The following CDH18 variants were observed in gnomAD, a reference collection of about 807,000 sequenced individuals.
The protein encoded by CDH18 is cadherin 18, also known as cadherin-18.
Under a neutral mutation model 67.9 loss-of-function variants are expected in CDH18, and 31 were observed. That is an observed-to-expected ratio of 0.46 (90% CI 0.34 to 0.62). The LOEUF (loss-of-function observed/expected upper bound fraction) is 0.62, where lower values mean the gene tolerates loss of function less well. Among genes scored for constraint, CDH18 ranks in the 20% least tolerant of loss-of-function variants. The pLI, the probability that CDH18 is intolerant of heterozygous loss-of-function variation, is 0.01. For missense variants in CDH18, 890 were observed against 975.5 expected (o/e 0.91, Z 1.17); for synonymous variants, 362 against 347.2 (o/e 1.04, Z -0.48).
At chr5:19,750,958 G>A (rs1246039253) in intron 3 of CDH18, among the ~76,000 whole-genome samples, 2 of 151,976 alleles carry the variant, frequency 1.3e-5, no homozygotes, top group Non-Finnish European at 2.9e-5. Flanking sequence ...ACATAACAAA[G>A]TAGGCTAAAT....
intron 1 of CDH18, among the ~76,000 whole-genome samples, chr5:20,475,855 G>GAGGC (rs1313364157): frequency 6.6e-6 from 1 of 152,144 alleles, no homozygotes; most frequent in Non-Finnish European, 1.5e-5. Flanking sequence ...CAGAATATTA[G>GAGGC]AGGCTTGCAT....
intron 5 of CDH18, among the ~76,000 whole-genome samples, chr5:19,638,784 A>C (rs541492991): frequency 2.6e-5 from 4 of 152,088 alleles, no homozygotes; most frequent in Admixed American, 2.0e-4. Flanking sequence ...AAAGGATAGG[A>C]TAAGGAGTTC....
chr5:19,970,170 G>T (rs1393510756), intron 2 of CDH18, among the ~76,000 whole-genome samples: 1 of 151,462 alleles, frequency 6.6e-6, no homozygotes. Flanking sequence ...AATAAAAAAG[G>T]CTCAGAATGA....
chr5:20,142,618 TTAAAA>T (rs1750332121), intron 2 of CDH18, among the ~76,000 whole-genome samples: 1 of 150,616 alleles, frequency 6.6e-6, no homozygotes, highest in Non-Finnish European at 1.5e-5. Flanking sequence ...GTTAATTCAG[TTAAAA>T]TAAGGTAATT....
chr5:20,571,249 T>A (rs184134807), intron 1 of CDH18, among the ~76,000 whole-genome samples: 221 of 152,290 alleles, frequency 1.5e-3, no homozygotes, highest in African/African-American at 4.8e-3. Context: ...CTCTTGATTC[T>A]TGGCCAAATT....
In CDH18 at chr5:19,613,889, A is replaced by T. The variant is rs143741033; in HGVS notation, c.644-1288T>A. On this transcript the variant is annotated intron_variant, in intron 5 of 12. Coordinates refer to ENST00000382275, the MANE Select transcript of CDH18 (RefSeq NM_004934.5). Reference sequence around the variant, plus strand: ...CTATATATGCATATAATTATAAAATATAAACATATTTGATCCTTCAAACAT... The same window carrying T: ...CTATATATGCATATAATTATAAAATTTAAACATATTTGATCCTTCAAACAT... 4.5e-3 allele frequency among the ~76,000 whole-genome samples: 692 copies of T among 152,270 alleles called. 6 individuals carry two copies. The highest frequency in any genetic ancestry group is 7.9e-3 in the Non-Finnish European group (539 of 67,978).
At chr5:19,944,242 C>T (rs1021546439) in intron 2 of CDH18, among the ~76,000 whole-genome samples, 20 of 152,016 alleles carry the variant, frequency 1.3e-4, no homozygotes, top group Non-Finnish European at 2.6e-4. Flanking sequence ...GAAGTTTTAA[C>T]TGTCTTATAT....
At chr5:20,260,540 T>C (rs1400555734) in intron 1 of CDH18, among the ~76,000 whole-genome samples, 3 of 151,820 alleles carry the variant, frequency 2.0e-5, no homozygotes, top group African/African-American at 7.3e-5. Context: ...TGAAAGGGGG[T>C]GGACATATTT....
intron 1 of CDH18, among the ~76,000 whole-genome samples, chr5:20,275,648 T>C (rs1745753104): frequency 6.6e-6 from 1 of 152,132 alleles, no homozygotes; most frequent in Non-Finnish European, 1.5e-5. Flanking sequence ...GGTGGCCAAA[T>C]AGAAGCCTTC....
chr5:20,248,369 T>C (rs1476567506), intron 2 of CDH18, among the ~76,000 whole-genome samples: 2 of 152,240 alleles, frequency 1.3e-5, no homozygotes, highest in Non-Finnish European at 2.9e-5. Flanking sequence ...AGCTGTCAGC[T>C]TGATTCTGTC....
chr5:19,508,491 A>C (rs1000201289), intron 10 of CDH18, among the ~76,000 whole-genome samples: 1 of 152,154 alleles, frequency 6.6e-6, no homozygotes, highest in Non-Finnish European at 1.5e-5. Flanking sequence ...TGATCTAATT[A>C]ATACATAGAA....
chr5:19,776,259 C>T (rs570332856), intron 3 of CDH18, among the ~76,000 whole-genome samples: 1 of 152,084 alleles, frequency 6.6e-6, no homozygotes, highest in Non-Finnish European at 1.5e-5. Flanking sequence ...GACAAATGCA[C>T]GTTTTCTTTT....
intron 2 of CDH18, among the ~76,000 whole-genome samples, chr5:20,229,873 ATAATATGAT>A (rs1741928765): frequency 6.6e-6 from 1 of 152,126 alleles, no homozygotes; most frequent in African/African-American, 2.4e-5. Flanking sequence ...TTGTAAATTA[ATAATATGAT>A]TACAGTGTTA....
At chr5:19,860,636 T>C (rs1481991124) in intron 2 of CDH18, among the ~76,000 whole-genome samples, 1 of 151,946 alleles carries the variant, frequency 6.6e-6, no homozygotes, top group Non-Finnish European at 1.5e-5. Flanking sequence ...GTTGAAAGTT[T>C]TTTCAAAGAC....
chr5:19,633,855 C>T (rs1219888004), intron 5 of CDH18, among the ~76,000 whole-genome samples: 1 of 152,146 alleles, frequency 6.6e-6, no homozygotes, highest in Non-Finnish European at 1.5e-5. Context: ...TGGCCTCGAA[C>T]TCCTGAGCTC....
chr5:20,218,116 AG>A (rs1740923080), intron 2 of CDH18, among the ~76,000 whole-genome samples: 1 of 151,966 alleles, frequency 6.6e-6, no homozygotes, highest in African/African-American at 2.4e-5. Flanking sequence ...TCATCTAGAT[AG>A]AAAATCAACA....
intron 1 of CDH18, among the ~76,000 whole-genome samples, chr5:20,268,032 T>C (rs1025257911): frequency 1.3e-5 from 2 of 152,240 alleles, no homozygotes; most frequent in Non-Finnish European, 2.9e-5. Flanking sequence ...TTCCCACTTA[T>C]AAATGACAAC....
At chr5:20,241,931 C>T (rs991687261) in intron 2 of CDH18, among the ~76,000 whole-genome samples, 1 of 141,606 alleles carries the variant, frequency 7.1e-6, no homozygotes, top group Non-Finnish European at 1.5e-5. Flanking sequence ...AGGCACTGTG[C>T]AAACTCTCAA....
intron 2 of CDH18, among the ~76,000 whole-genome samples, chr5:20,217,639 A>T (rs1740884618): frequency 6.6e-6 from 1 of 151,880 alleles, no homozygotes; most frequent in Non-Finnish European, 1.5e-5. Flanking sequence ...TTAGAAAACA[A>T]ATAACAAAAT....
Sources: gnomAD v4.1 joint callset for allele counts (sites outside exome capture counted in the v4.1 genomes callset) on GRCh38, gnomAD v4.1.1 for gene constraint, MANE v1.5 for transcripts, NCBI Gene and HGNC (gene_info 2026-07-23, HGNC 2026-07-21) for gene names.